The following CYP4X1 variants were observed in gnomAD, a reference collection of about 807,000 sequenced individuals.
CYP4X1 encodes cytochrome P450 4X1.
In CYP4X1, 44 loss-of-function variants were observed where a neutral mutation model predicts 57.9. The observed-to-expected ratio is 0.76, with a 90% CI of 0.60 to 0.98. The LOEUF (loss-of-function observed/expected upper bound fraction) is 0.98. CYP4X1 is among the 50% of genes least tolerant of loss of function. CYP4X1 has a pLI of 0.00. For synonymous variants in CYP4X1, 227 were observed against 228.6 expected (o/e 0.99, Z 0.06); for missense variants, 532 against 623.9 (o/e 0.85, Z 1.57).
the CYP4X1 span, among the ~76,000 whole-genome samples, chr1:46,987,163 A>C: frequency 5.3e-5 from 8 of 152,200 alleles, no homozygotes; most frequent in African/African-American, 1.9e-4. Flanking sequence ...GTAGGCTCAA[A>C]ATAAATAAAG....
the CYP4X1 span, among the ~76,000 whole-genome samples, chr1:46,991,038 TAAAA>T: frequency 4.3e-5 from 6 of 138,724 alleles, no homozygotes; most frequent in Non-Finnish European, 7.8e-5. Flanking sequence ...TCCCAGAACT[TAAAA>T]AAAAAAAAAA....
At chr1:46,992,748 C>A in the CYP4X1 span, among the ~76,000 whole-genome samples, 2 of 152,144 alleles carry the variant, frequency 1.3e-5, no homozygotes, top group African/African-American at 4.8e-5. Flanking sequence ...GTTTTCAATT[C>A]TTTTGGTTAT....
At chr1:46,989,949 G>C in the CYP4X1 span, among the ~76,000 whole-genome samples, 2 of 152,198 alleles carry the variant, frequency 1.3e-5, no homozygotes, top group Non-Finnish European at 2.9e-5. Flanking sequence ...AAAAACTCTA[G>C]AAGAAAACCT....
chr1:47,044,956 G>A (rs1488857106), intron 8 of CYP4X1, among the ~76,000 whole-genome samples: 4 of 151,912 alleles, frequency 2.6e-5, no homozygotes, highest in African/African-American at 9.7e-5. Flanking sequence ...TTCCTGAGTA[G>A]CTGGGATTAC....
At position 47,040,761 on chromosome 1, in the gene CYP4X1, T is replaced by C. The variant is rs899142420; in HGVS notation, c.1073+1229T>C. Among the ~76,000 whole-genome samples, 3 of 152,188 alleles carry C rather than the reference T, an allele frequency of 2.0e-5. No individual in the cohort carries two copies. The East Asian group carries it at 5.8e-4, about 29-fold the overall frequency. Reference sequence around the variant, plus strand: ...ACTGTGGAATGACTAAATCTATCAATGGACATGTTCATTAACTCATACTTA... The same window carrying C: ...ACTGTGGAATGACTAAATCTATCAACGGACATGTTCATTAACTCATACTTA... On this transcript the variant is annotated intron_variant, in intron 8 of 11. Coordinates refer to ENST00000371901, the MANE Select transcript of CYP4X1 (RefSeq NM_178033.2).
At position 47,046,514 on chromosome 1, in the gene CYP4X1, C is replaced by T. The variant is rs965440714; in HGVS notation, c.1121C>T (p.Thr374Met). The T allele has an allele frequency of 1.1e-5, 17 of 1,614,026 alleles. No individual in the cohort carries two copies. The highest frequency in any genetic ancestry group is 1.6e-4 in the Middle Eastern group (1 of 6,084). ...MSYTTMCIKETCRLIPAVPSI... is the reference protein window; with the variant it reads ...MSYTTMCIKEMCRLIPAVPSI... ...TACACCACAATGTGCATCAAGGAGACGTGCCGATTGATTCCTGCAGTCCCG... is the reference window on the plus strand; with the variant it reads ...TACACCACAATGTGCATCAAGGAGATGTGCCGATTGATTCCTGCAGTCCCG... The change falls in exon 9 of 12, where the codon ACG (threonine) becomes ATG (methionine). Residue 374 changes from threonine (T) to methionine (M), a missense_variant. Physicochemically the swap from Thr to Met is moderately conservative, Grantham distance 81. Coordinates refer to ENST00000371901, the MANE Select transcript of CYP4X1 (RefSeq NM_178033.2).
intron 8 of CYP4X1, among the ~76,000 whole-genome samples, chr1:47,040,666 AC>A (rs1200701292): frequency 6.6e-6 from 1 of 152,124 alleles, no homozygotes; most frequent in Non-Finnish European, 1.5e-5. Context: ...TTGTGCATAT[AC>A]ATGTTATATA....
chr1:47,036,245 C>T (rs1644180567), intron 6 of CYP4X1, 74 bp downstream of exon 6: 1 of 1,432,126 alleles, frequency 7.0e-7, no homozygotes, highest in Non-Finnish European at 9.2e-7. Flanking sequence ...AGGGATAAAC[C>T]TTAATATGAC....
chr1:47,017,975 G>A, the CYP4X1 span, among the ~76,000 whole-genome samples: 1 of 152,172 alleles, frequency 6.6e-6, no homozygotes, highest in East Asian at 1.9e-4. Flanking sequence ...ACTGAGAGCT[G>A]TCTCAAATTT....
chr1:46,987,940 C>A, the CYP4X1 span, among the ~76,000 whole-genome samples: 1 of 152,092 alleles, frequency 6.6e-6, no homozygotes, highest in Non-Finnish European at 1.5e-5. Context: ...TAGAAAAGAT[C>A]TAAAATTGAC....
At chr1:47,021,928 T>A (rs956652736), upstream of CYP4X1, among the ~76,000 whole-genome samples, 1 of 152,072 alleles carries the variant, frequency 6.6e-6, no homozygotes, top group Non-Finnish European at 1.5e-5. Context: ...AGGCAAGATA[T>A]CACAAAGCTG....
At chr1:46,986,595 G>T in the CYP4X1 span, among the ~76,000 whole-genome samples, 1 of 152,098 alleles carries the variant, frequency 6.6e-6, no homozygotes, top group Non-Finnish European at 1.5e-5. Context: ...GACTCACCAA[G>T]GTTGAAATGA....
At chr1:47,055,162 A>C (rs888808587), downstream of CYP4X1, among the ~76,000 whole-genome samples, 16 of 152,156 alleles carry the variant, frequency 1.1e-4, no homozygotes, top group Non-Finnish European at 1.9e-4. Context: ...CCTTTTCTGC[A>C]TCTGTTGACA....
chr1:47,035,478 T>C (rs1226865383), intron 4 of CYP4X1, among the ~76,000 whole-genome samples: 2 of 152,220 alleles, frequency 1.3e-5, no homozygotes, highest in African/African-American at 2.4e-5. Flanking sequence ...CTTGTAATTA[T>C]GGGTCTTGTG....
At chr1:47,032,469 A>T (rs1045351460) in intron 3 of CYP4X1, among the ~76,000 whole-genome samples, 1 of 152,192 alleles carries the variant, frequency 6.6e-6, no homozygotes, top group African/African-American at 2.4e-5. Flanking sequence ...TATTTTTAGC[A>T]CTACATGTAA....
chr1:47,048,525 T>A, intron 9 of CYP4X1, 40 bp from the exon 10 acceptor site: 1 of 1,609,470 alleles, frequency 6.2e-7, no homozygotes, highest in Non-Finnish European at 8.5e-7. Context: ...CACAACTTGC[T>A]CTTTCTCCTG....
chr1:46,984,376 TAAAAAAAAAAAAAAAA>T, the CYP4X1 span, among the ~76,000 whole-genome samples: 2 of 118,598 alleles, frequency 1.7e-5, no homozygotes, highest in Non-Finnish European at 3.4e-5. Flanking sequence ...GCTCTGCCTT[TAAAAAAAAAAAAAAAA>T]AAAAAAAAAC....
At chr1:47,014,527 T>C in the CYP4X1 span, among the ~76,000 whole-genome samples, 125 of 152,338 alleles carry the variant, frequency 8.2e-4, no homozygotes, top group African/African-American at 2.8e-3. Context: ...CCCTCCTAAT[T>C]TCTTCTCAAC....
intron 1 of CYP4X1, among the ~76,000 whole-genome samples, chr1:47,026,568 T>G (rs1370469388): frequency 6.6e-6 from 1 of 152,148 alleles, no homozygotes; most frequent in African/African-American, 2.4e-5. Context: ...TATCAATTTC[T>G]ACAAGGAAAC....
Sources: allele counts gnomAD v4.1 joint callset (sites outside exome capture counted in the v4.1 genomes callset), GRCh38; gene constraint gnomAD v4.1.1; transcripts MANE v1.5; gene names NCBI Gene and HGNC (gene_info 2026-07-23, HGNC 2026-07-21).